The following NCAM2 variants were observed in gnomAD, a reference collection of about 807,000 sequenced individuals.
The protein encoded by NCAM2 is neural cell adhesion molecule 2, also known as N-CAM-2.
Under a neutral mutation model 98.1 loss-of-function variants are expected in NCAM2, and 30 were observed. That is an observed-to-expected ratio of 0.31 (90% CI 0.23 to 0.41). The LOEUF (loss-of-function observed/expected upper bound fraction) is 0.41. NCAM2 is among the 10% of genes least tolerant of loss of function. The pLI, the probability that NCAM2 is intolerant of heterozygous loss-of-function variation, is 1.00. For missense variants in NCAM2, 867 were observed against 1,005.8 expected (o/e 0.86, Z 1.87); for synonymous variants, 368 against 342.4 (o/e 1.07, Z -0.83).
At chr21:21,340,013 A>G (rs2074981198) in intron 8 of NCAM2, among the ~76,000 whole-genome samples, 1 of 151,896 alleles carries the variant, frequency 6.6e-6, no homozygotes, top group Non-Finnish European at 1.5e-5. Context: ...GCTTTAGTAT[A>G]TTCTTAACAA....
At chr21:21,424,254 C>G (rs948071086) in intron 11 of NCAM2, among the ~76,000 whole-genome samples, 2 of 152,158 alleles carry the variant, frequency 1.3e-5, no homozygotes, top group Admixed American at 6.5e-5. Context: ...TTCAGAGAAT[C>G]CATGTTTGCA....
chr21:21,530,558 ACACT>A (rs1052631732), intron 16 of NCAM2, among the ~76,000 whole-genome samples: 32 of 151,040 alleles, frequency 2.1e-4, no homozygotes, highest in Non-Finnish European at 3.3e-4. Context: ...GGATACACAC[ACACT>A]CACACACACA....
intron 15 of NCAM2, among the ~76,000 whole-genome samples, chr21:21,488,212 C>T (rs999950433): frequency 6.6e-6 from 1 of 151,882 alleles, no homozygotes; most frequent in South Asian, 2.1e-4. Context: ...AACAAAGTTA[C>T]AAGTATGCAT....
At chr21:21,017,712 C>T (rs2064342308) in intron 1 of NCAM2, among the ~76,000 whole-genome samples, 1 of 152,046 alleles carries the variant, frequency 6.6e-6, no homozygotes, top group Non-Finnish European at 1.5e-5. Flanking sequence ...TGCACGCGCT[C>T]CATAATTTCT....
At chr21:21,184,785 A>G (rs914689245) in intron 1 of NCAM2, among the ~76,000 whole-genome samples, 3 of 152,160 alleles carry the variant, frequency 2.0e-5, no homozygotes, top group Non-Finnish European at 4.4e-5. Flanking sequence ...CCTCTAATGA[A>G]ATGAATCAGC....
In NCAM2 at chr21:21,432,422, C is replaced by T. The variant is rs145181365; in HGVS notation, c.1654+141C>T. On this transcript the variant is annotated intron_variant, in intron 12 of 17. Transcript: ENST00000400546. Reference sequence around the variant, plus strand: ...GGGAAGATATTTTCTGTGCCCCATTCTTCTTGATAATAACTCGAATACAGA... The same window carrying T: ...GGGAAGATATTTTCTGTGCCCCATTTTTCTTGATAATAACTCGAATACAGA... 1.1e-3 allele frequency: 792 copies of T among 717,316 alleles called. 11 individuals carry two copies. In the East Asian group the frequency reaches 0.021, roughly 19 times the overall value. The allele number at this position is 717,316 out of a possible 1,614,324, so 44.4% of individuals were successfully genotyped here.
chr21:21,006,168 C>A (rs1381919276), intron 1 of NCAM2, among the ~76,000 whole-genome samples: 1 of 152,094 alleles, frequency 6.6e-6, no homozygotes, highest in Non-Finnish European at 1.5e-5. Flanking sequence ...TATCTTGTTA[C>A]ACCATTGATA....
chr21:21,395,968 C>G (rs1017689971), intron 9 of NCAM2, among the ~76,000 whole-genome samples: 2 of 151,812 alleles, frequency 1.3e-5, no homozygotes, highest in African/African-American at 4.8e-5. Flanking sequence ...ACTTCATGAC[C>G]AAGAACCTAA....
At chr21:21,062,963 G>T (rs1333724885) in intron 1 of NCAM2, among the ~76,000 whole-genome samples, 3 of 152,078 alleles carry the variant, frequency 2.0e-5, no homozygotes, top group Admixed American at 6.5e-5. Flanking sequence ...TTAGTGTTAT[G>T]TTGTATCATA....
chr21:21,500,379 G>C (rs1416697043), intron 15 of NCAM2, among the ~76,000 whole-genome samples: 2 of 152,052 alleles, frequency 1.3e-5, no homozygotes, highest in Non-Finnish European at 2.9e-5. Context: ...ATGCACTACA[G>C]GTAGCAAAAA....
At chr21:21,320,126 A>G (rs149224174) in intron 5 of NCAM2, among the ~76,000 whole-genome samples, 19 of 152,274 alleles carry the variant, frequency 1.2e-4, no homozygotes, top group African/African-American at 3.4e-4. Context: ...CGGCTTTACT[A>G]TATTCACAAA....
intron 1 of NCAM2, among the ~76,000 whole-genome samples, chr21:21,240,152 G>C (rs2071007104): frequency 6.6e-6 from 1 of 152,158 alleles, no homozygotes; most frequent in South Asian, 2.1e-4. Context: ...GAAATGTTAA[G>C]AGCAAGATTT....
intron 15 of NCAM2, among the ~76,000 whole-genome samples, chr21:21,493,319 T>G (rs563391092): frequency 6.6e-6 from 1 of 152,046 alleles, no homozygotes; most frequent in African/African-American, 2.4e-5. Flanking sequence ...ATAATCAATC[T>G]AGGCATAGTA....
rs575428204 is a variant in NCAM2 at position 21,543,319 on chromosome 21, T to C, written c.*5362T>C. 6.7e-6 allele frequency: 1 copy of C among 148,926 alleles called. No individual in the cohort carries two copies. The highest frequency in any genetic ancestry group is 2.4e-5 in the African/African-American group (1 of 41,156). The allele number at this position is 148,926 out of a possible 1,614,324, so 9.2% of individuals were successfully genotyped here. A position where few individuals can be genotyped will look rare whatever the true frequency, so the allele number is the denominator to read the frequency against. On this transcript the variant is annotated 3_prime_UTR_variant, in exon 18 of 18. Transcript: ENST00000400546. ...ATTTGTATATTAATAGTAAAGATAC[T>C]TTTACTTTAATAAAGTGTTGCATTT...
chr21:21,153,282 T>C (rs2067502510), intron 1 of NCAM2, among the ~76,000 whole-genome samples: 1 of 151,758 alleles, frequency 6.6e-6, no homozygotes, highest in African/African-American at 2.4e-5. Flanking sequence ...CTTTCAGATC[T>C]TAGTTTAAAT....
intron 1 of NCAM2, among the ~76,000 whole-genome samples, chr21:21,209,677 C>T (rs1244648500): frequency 7.0e-6 from 1 of 143,582 alleles, no homozygotes; most frequent in Non-Finnish European, 1.6e-5. Flanking sequence ...TTATAGTCTG[C>T]TATCATGAAA....
chr21:21,394,469 CTTTTTTTTTTTTTTTTTTTT>C (rs532068473), intron 9 of NCAM2, among the ~76,000 whole-genome samples: 10 of 57,670 alleles, frequency 1.7e-4, no homozygotes, highest in Middle Eastern at 0.029. Flanking sequence ...AAGGGGCCAG[CTTTTTTTTTTTTTTTTTTTT>C]TTTTTTTTTT....
chr21:21,156,578 T>A (rs936758302), intron 1 of NCAM2, among the ~76,000 whole-genome samples: 1 of 108,624 alleles, frequency 9.2e-6, no homozygotes, highest in African/African-American at 3.4e-5. Flanking sequence ...AATAGATAGA[T>A]TATAGATAGA....
intron 11 of NCAM2, among the ~76,000 whole-genome samples, chr21:21,426,895 T>G (rs1429979031): frequency 2.0e-5 from 3 of 152,214 alleles, no homozygotes; most frequent in Non-Finnish European, 2.9e-5. Flanking sequence ...AGGAGTGTCT[T>G]AAATCGTATA....
Sources: gnomAD v4.1 joint callset for allele counts (sites outside exome capture counted in the v4.1 genomes callset) on GRCh38, gnomAD v4.1.1 for gene constraint, MANE v1.5 for transcripts, NCBI Gene and HGNC (gene_info 2026-07-23, HGNC 2026-07-21) for gene names.